AKAP7: variants seen among roughly 807,000 people sequenced by gnomAD.
AKAP7 encodes A kinase (PRKA) anchor protein 7.
AKAP7 carries 39 observed loss-of-function variants against 39.5 expected under a neutral mutation model. That is an observed-to-expected ratio of 0.99 (90% confidence interval 0.76 to 1.29). The LOEUF (loss-of-function observed/expected upper bound fraction) is 1.29. Among genes scored for constraint, AKAP7 ranks in the 50% most tolerant of loss-of-function variants. The probability of loss-of-function intolerance (pLI) is 0.00; values close to 1 mark genes in which losing one functional copy is unlikely to be tolerated. For synonymous variants in AKAP7, 140 were observed against 139.1 expected, an observed-to-expected ratio of 1.01 and a Z score of -0.05; for missense variants, 414 against 407.7, an observed-to-expected ratio of 1.02 and a Z score of -0.13.
chr6:131,218,453 GA>G (rs35377142), intron 6 of AKAP7, among the ~76,000 whole-genome samples: 21,002 of 152,196 alleles, frequency 0.14, 1,846 homozygotes, highest in Middle Eastern at 0.28. Flanking sequence ...TGTTGGCAAG[GA>G]AAAACTAAAC....
chr6:131,184,371 A>G, intron 5 of AKAP7: 1 of 658,208 alleles, frequency 1.5e-6, no homozygotes, highest in South Asian at 1.4e-5. Context: ...CTCCTTCAAC[A>G]GGTCCAGACA....
At chr6:131,250,474 G>A in intron 7 of AKAP7, 3 of 1,592,216 alleles carry the variant, frequency 1.9e-6, no homozygotes, top group South Asian at 2.2e-5. Flanking sequence ...AGTGAAAAAG[G>A]CAGGGTGTGC....
intron 5 of AKAP7, among the ~76,000 whole-genome samples, chr6:131,196,886 TTA>T (rs1299829382): frequency 1.3e-5 from 2 of 152,164 alleles, no homozygotes; most frequent in East Asian, 3.8e-4. Flanking sequence ...TGTGCTTATT[TTA>T]TGTTTTAATT....
At chr6:131,240,572 G>T (rs1249634580) in intron 7 of AKAP7, among the ~76,000 whole-genome samples, 1 of 152,314 alleles carries the variant, frequency 6.6e-6, no homozygotes, top group East Asian at 1.9e-4. Context: ...GAGCTTCCTG[G>T]CCGCTTTGTT....
chr6:131,232,571 A>G (rs1386199964), intron 7 of AKAP7, among the ~76,000 whole-genome samples: 3 of 152,142 alleles, frequency 2.0e-5, no homozygotes, highest in African/African-American at 7.2e-5. Context: ...CACACCTGTA[A>G]TCACAGCACC....
At chr6:131,167,578 T>C (rs183179760) in intron 4 of AKAP7, among the ~76,000 whole-genome samples, 1 of 152,284 alleles carries the variant, frequency 6.6e-6, no homozygotes, top group Non-Finnish European at 1.5e-5. Context: ...TGGATGAACA[T>C]AACTACAGTT....
chr6:131,153,532 GA>G (rs1156498004), intron 2 of AKAP7, among the ~76,000 whole-genome samples: 1 of 152,102 alleles, frequency 6.6e-6, no homozygotes, highest in African/African-American at 2.4e-5. Flanking sequence ...GAGAGATTAT[GA>G]TTTTTTTTTT....
chr6:131,273,499 C>G (rs921520197), intron 7 of AKAP7, among the ~76,000 whole-genome samples: 1 of 151,880 alleles, frequency 6.6e-6, no homozygotes, highest in Middle Eastern at 3.4e-3. Context: ...TTTGTTTTTA[C>G]GTTAGTGGTT....
intron 5 of AKAP7, among the ~76,000 whole-genome samples, chr6:131,183,321 C>T (rs1232660149): frequency 6.6e-6 from 1 of 152,096 alleles, no homozygotes; most frequent in East Asian, 1.9e-4. Flanking sequence ...TGCTAGCGAG[C>T]ATGCAGGGGA....
rs1812235310 is a variant in AKAP7, at chr6:131,248,895, TAA to T, written c.850+29089_850+29090del. Among the ~76,000 whole-genome samples the T allele has an allele frequency of 2.0e-5, 3 of 152,224 alleles. No homozygotes were observed. In the South Asian group the frequency reaches 6.2e-4, roughly 31 times the overall value. On this transcript the variant is annotated intron_variant, in intron 7 of 7. Transcript: ENST00000431975. ...AATTTGGGGGAATACTGGAAGAGTT[TAA>T]AGTTGCTGTTTATTTATAAGTCACT...
intron 7 of AKAP7, among the ~76,000 whole-genome samples, chr6:131,239,823 G>C (rs1446574292): frequency 6.6e-6 from 1 of 152,052 alleles, no homozygotes; most frequent in Non-Finnish European, 1.5e-5. Flanking sequence ...CTTTTTTCAA[G>C]GTTTTTTACT....
chr6:131,161,316 TATTTGATTCC>T (rs1355582779), intron 3 of AKAP7, among the ~76,000 whole-genome samples: 2 of 152,158 alleles, frequency 1.3e-5, no homozygotes, highest in East Asian at 3.9e-4. Flanking sequence ...TACTGATACA[TATTTGATTCC>T]TTTGGTTGAG....
At chr6:131,194,620 G>A (rs1248775693) in intron 5 of AKAP7, among the ~76,000 whole-genome samples, 1 of 152,092 alleles carries the variant, frequency 6.6e-6, no homozygotes, top group Non-Finnish European at 1.5e-5. Flanking sequence ...AGTGCTGAAA[G>A]TGGGGTGTTG....
At chr6:131,226,954 C>G (rs995219136) in intron 7 of AKAP7, among the ~76,000 whole-genome samples, 2 of 152,166 alleles carry the variant, frequency 1.3e-5, no homozygotes, top group Admixed American at 1.3e-4. Context: ...AAGTATAAGA[C>G]ACAGTCCTTA....
At chr6:131,216,836 A>G (rs542357273) in intron 6 of AKAP7, among the ~76,000 whole-genome samples, 1 of 152,310 alleles carries the variant, frequency 6.6e-6, no homozygotes, top group Non-Finnish European at 1.5e-5. Context: ...GGTTTAAGGC[A>G]AAAATAACCT....
the AKAP7 span, among the ~76,000 whole-genome samples, chr6:131,130,355 T>G: frequency 6.6e-6 from 1 of 152,206 alleles, no homozygotes; most frequent in African/African-American, 2.4e-5. Flanking sequence ...CCAGGCACAA[T>G]CTTGGCTCAC....
At chr6:131,181,352 A>G (rs1354049453) in intron 5 of AKAP7, among the ~76,000 whole-genome samples, 1 of 152,210 alleles carries the variant, frequency 6.6e-6, no homozygotes, top group Non-Finnish European at 1.5e-5. Context: ...AGATATTCAT[A>G]GTCATCAAAT....
At chr6:131,160,263 G>A in intron 3 of AKAP7, 65 bp downstream of exon 3, 1 of 1,508,394 alleles carries the variant, frequency 6.6e-7, no homozygotes, top group East Asian at 2.3e-5. Context: ...ACAACTAAAT[G>A]CTTATTAGCC....
At chr6:131,126,873 A>G in the AKAP7 span, among the ~76,000 whole-genome samples, 7 of 152,276 alleles carry the variant, frequency 4.6e-5, no homozygotes, top group Admixed American at 2.0e-4. Context: ...TCAGGTGTAC[A>G]GAGTGTTTTC....
Sources: allele counts gnomAD v4.1 joint callset (sites outside exome capture counted in the v4.1 genomes callset), GRCh38; gene constraint gnomAD v4.1.1; transcripts MANE v1.5; gene names NCBI Gene and HGNC (gene_info 2026-07-23, HGNC 2026-07-21).